Variants in LMX1A observed in about 807,000 individuals in gnomAD.
LMX1A encodes the protein LIM homeobox transcription factor 1-alpha.
In LMX1A, 15 loss-of-function variants were observed where a neutral mutation model predicts 49.1. The ratio of observed to expected loss-of-function variants is 0.31; its 90% CI spans 0.20 to 0.47. The LOEUF is 0.47. Ranked by LOEUF, LMX1A falls within the 20% of genes least tolerant of loss-of-function variation. The probability of loss-of-function intolerance (pLI) is 1.00; values close to 1 mark genes in which losing one functional copy is unlikely to be tolerated. For synonymous variants in LMX1A, 167 were observed against 185.7 expected (o/e 0.90, Z 0.82); for missense variants, 372 against 475.8 (o/e 0.78, Z 2.03).
chr1:165,343,698 A>G (rs1303763645), intron 3 of LMX1A, among the ~76,000 whole-genome samples: 1 of 152,188 alleles, frequency 6.6e-6, no homozygotes, highest in East Asian at 1.9e-4. Flanking sequence ...GATCCCAACC[A>G]AAGACAAAGC....
intron 4 of LMX1A, among the ~76,000 whole-genome samples, chr1:165,227,647 A>G (rs560816921): frequency 1.1e-4 from 16 of 152,288 alleles, no homozygotes; most frequent in South Asian, 4.2e-4. Flanking sequence ...CTGGAATTCA[A>G]TGCTGGCTGT....
intron 3 of LMX1A, among the ~76,000 whole-genome samples, chr1:165,299,956 G>C (rs1440905853): frequency 1.3e-5 from 2 of 152,092 alleles, no homozygotes; most frequent in Non-Finnish European, 2.9e-5. Flanking sequence ...ACTTGACCCA[G>C]TACGACTATA....
intron 3 of LMX1A, among the ~76,000 whole-genome samples, chr1:165,313,471 C>CTTTTTTTTT (rs34912339): frequency 3.4e-3 from 392 of 114,382 alleles, no homozygotes; most frequent in Middle Eastern, 5.5e-3. Flanking sequence ...CACCTTCTTC[C>CTTTTTTTTT]TTTTTTTTTT....
intron 3 of LMX1A, among the ~76,000 whole-genome samples, chr1:165,331,782 T>C (rs895554584): frequency 1.3e-5 from 2 of 152,024 alleles, no homozygotes; most frequent in African/African-American, 2.4e-5. Context: ...CCAGGCATGG[T>C]GGCAGGTGCC....
intron 4 of LMX1A, among the ~76,000 whole-genome samples, chr1:165,246,304 A>C (rs1652846961): frequency 6.6e-6 from 1 of 152,216 alleles, no homozygotes; most frequent in Admixed American, 6.5e-5. Flanking sequence ...TTTATGATAC[A>C]AGACAGGCAG....
At chr1:165,329,298 G>A (rs1003365790) in intron 3 of LMX1A, among the ~76,000 whole-genome samples, 15 of 152,140 alleles carry the variant, frequency 9.9e-5, no homozygotes, top group African/African-American at 2.9e-4. Context: ...TCTCGCCCTC[G>A]ACATGTGGGG....
At position 165,249,569 on chromosome 1, in the gene LMX1A, T is replaced by A; in HGVS notation, c.335A>T (p.Lys112Met). 1 of 1,614,158 alleles carries A rather than the reference T, an allele frequency of 6.2e-7. No homozygotes were observed. Among genetic ancestry groups the A allele is most frequent in the Non-Finnish European group, 8.5e-7 (1 of 1,180,026 alleles). ...APNEFVMRAQ[K>M]SVYHLSCFCC... ...GAAGCAGCTCAGGTGGTATACACTC[T>A]TCTGGGCCCGCATAACAAACTCATT... is the stretch of plus-strand genomic sequence containing the variant. Residue 112 changes from lysine to methionine, a missense_variant, in exon 4 of 9, where the codon AAG becomes ATG. This residue lies in a region of LMX1A where 199 missense variants were observed against 244.0 expected (regional missense o/e 0.82). Transcript: ENST00000342310.
At chr1:165,334,906 G>A (rs1002432216) in intron 3 of LMX1A, among the ~76,000 whole-genome samples, 2 of 150,104 alleles carry the variant, frequency 1.3e-5, no homozygotes, top group Non-Finnish European at 3.0e-5. Context: ...AGGAGGTCTA[G>A]AGTCACCCTT....
At chr1:165,262,562 T>A (rs1653476420) in intron 3 of LMX1A, among the ~76,000 whole-genome samples, 1 of 152,212 alleles carries the variant, frequency 6.6e-6, no homozygotes, top group Non-Finnish European at 1.5e-5. Context: ...AGTCTCTTCA[T>A]ATTGACTTGC....
At chr1:165,232,137 A>T (rs2102621481) in intron 4 of LMX1A, among the ~76,000 whole-genome samples, 1 of 152,336 alleles carries the variant, frequency 6.6e-6, no homozygotes, top group South Asian at 2.1e-4. Flanking sequence ...TCCACAGAGC[A>T]GGGAAGGCTG....
rs1333613513 is a variant in LMX1A, at chr1:165,213,666, T to C, written c.644A>G (p.Glu215Gly). ...CTTCCTGCAGGGCTTGGAGGATACTTCAAATGAGGCCTTGAATGCTCGCCT... is the reference window on the plus strand; with the variant it reads ...CTTCCTGCAGGGCTTGGAGGATACTCCAAATGAGGCCTTGAATGCTCGCCT... The part of the protein sequence containing the change: ...QQRRAFKASF[E>G]VSSKPCRKVR... The change falls in exon 5 of 9, where the codon GAA becomes GGA. Residue 215 changes from glutamate (E) to glycine (G), a missense_variant. Physicochemically the swap from Glu to Gly is moderately conservative, Grantham distance 98. Around this residue, in one of 3 missense-constraint regions of LMX1A, gnomAD observed 46 missense variants for 93.8 expected, o/e 0.49. Coordinates refer to ENST00000342310, the MANE Select transcript of LMX1A (RefSeq NM_177398.4). 6 of 1,614,138 alleles carry C rather than the reference T, an allele frequency of 3.7e-6. No homozygotes were observed. The highest frequency in any genetic ancestry group is 5.1e-6 in the Non-Finnish European group (6 of 1,180,018).
At chr1:165,335,741 C>T (rs754516649) in intron 3 of LMX1A, among the ~76,000 whole-genome samples, 16 of 152,044 alleles carry the variant, frequency 1.1e-4, no homozygotes, top group Non-Finnish European at 1.9e-4. Context: ...TATAAATCAA[C>T]AAGGGCAAGT....
chr1:165,283,306 C>T (rs1440562733), intron 3 of LMX1A, among the ~76,000 whole-genome samples: 3 of 152,206 alleles, frequency 2.0e-5, no homozygotes, highest in Non-Finnish European at 4.4e-5. Context: ...CAGGCTACAC[C>T]ATCTAGGTTT....
intron 4 of LMX1A, among the ~76,000 whole-genome samples, chr1:165,247,054 C>CTTTTTTTTTCTTTTT (rs1652876638): frequency 1.9e-5 from 1 of 53,228 alleles, no homozygotes; most frequent in African/African-American, 7.2e-5. Context: ...TCAGCTTTTT[C>CTTTTTTTTTCTTTTT]TTTTTTTTTT....
At chr1:165,221,928 C>CAA (rs1651863196) in intron 4 of LMX1A, among the ~76,000 whole-genome samples, 1 of 140,568 alleles carries the variant, frequency 7.1e-6, no homozygotes, top group African/African-American at 2.6e-5. Flanking sequence ...CACACACACA[C>CAA]ACACACACAC....
chr1:165,291,597 A>G (rs1654467662), intron 3 of LMX1A, among the ~76,000 whole-genome samples: 1 of 152,220 alleles, frequency 6.6e-6, no homozygotes, highest in African/African-American at 2.4e-5. Context: ...TGGGGCAAGT[A>G]CTGGTTTAAA....
Position 165,272,527 on chromosome 1 carries a change from C to T in LMX1A, c.264-22887G>A, listed in dbSNP as rs541091839. Among the ~76,000 whole-genome samples, 3 of 152,098 alleles carry T rather than the reference C, an allele frequency of 2.0e-5. No homozygotes were observed. In the South Asian group the frequency reaches 6.3e-4, roughly 32 times the overall value. On this transcript the variant is annotated intron_variant, in intron 3 of 8. Coordinates refer to ENST00000342310, the MANE Select transcript of LMX1A (RefSeq NM_177398.4). Reference sequence around the variant, plus strand: ...ACTGGGTCCAAACAAGTGCACATTCCAGGCCAGAGAGTGTGCACCCCTCTA... The same window carrying T: ...ACTGGGTCCAAACAAGTGCACATTCTAGGCCAGAGAGTGTGCACCCCTCTA...
intron 3 of LMX1A, among the ~76,000 whole-genome samples, chr1:165,346,398 A>T (rs1298357763): frequency 6.6e-6 from 1 of 152,228 alleles, no homozygotes; most frequent in African/African-American, 2.4e-5. Flanking sequence ...AGCACAGTCC[A>T]CTTTGTATTT....
intron 3 of LMX1A, among the ~76,000 whole-genome samples, chr1:165,340,346 C>T (rs1656038303): frequency 6.6e-6 from 1 of 152,168 alleles, no homozygotes; most frequent in South Asian, 2.1e-4. Flanking sequence ...ATCCACCCAC[C>T]TCAGCCTCCC....
Sources: allele counts gnomAD v4.1 joint callset (sites outside exome capture counted in the v4.1 genomes callset), GRCh38; gene constraint gnomAD v4.1.1; regional missense constraint gnomAD v4.1.1; transcripts MANE v1.5; gene names NCBI Gene and HGNC (gene_info 2026-07-23, HGNC 2026-07-21).